LAMA2: variants seen among roughly 807,000 people sequenced by gnomAD.
LAMA2 encodes the protein laminin subunit alpha 2.
Under a neutral mutation model 364.8 loss-of-function variants are expected in LAMA2, and 269 were observed. The observed-to-expected ratio is 0.74, with a 90% CI of 0.67 to 0.82. The LOEUF is 0.82. Among genes scored for constraint, LAMA2 ranks in the 40% least tolerant of loss-of-function variants. The pLI, the probability that LAMA2 is intolerant of heterozygous loss-of-function variation, is 0.00. For synonymous variants in LAMA2, 1,379 were observed against 1,370.6 expected (o/e 1.01, Z -0.14); for missense variants, 3,807 against 3,873.2 (o/e 0.98, Z 0.45).
chr6:129,452,680 C>T (rs774732889), intron 45 of LAMA2, among the ~76,000 whole-genome samples: 3 of 152,138 alleles, frequency 2.0e-5, no homozygotes, highest in Non-Finnish European at 4.4e-5. Context: ...CTGCCTAAAA[C>T]GTTCCCATAT....
At chr6:129,190,810 G>A (rs1781478946) in intron 11 of LAMA2, among the ~76,000 whole-genome samples, 1 of 152,114 alleles carries the variant, frequency 6.6e-6, no homozygotes, top group African/African-American at 2.4e-5. Context: ...ATTAAAAGGG[G>A]ACATTAAATA....
At chr6:129,106,604 GCAA>G (rs1775837204) in intron 4 of LAMA2, among the ~76,000 whole-genome samples, 1 of 151,858 alleles carries the variant, frequency 6.6e-6, no homozygotes, top group Non-Finnish European at 1.5e-5. Flanking sequence ...AGTACCTGGA[GCAA>G]CAATATTAAA....
intron 12 of LAMA2, among the ~76,000 whole-genome samples, chr6:129,216,713 G>A (rs265361): frequency 0.67 from 101,273 of 152,004 alleles, 35,393 homozygotes; most frequent in Non-Finnish European, 0.77. Flanking sequence ...AATATGAAGT[G>A]CAATTTGTAA....
intron 58 of LAMA2, among the ~76,000 whole-genome samples, chr6:129,496,602 A>G (rs1433577225): frequency 6.6e-6 from 1 of 152,126 alleles, no homozygotes; most frequent in Non-Finnish European, 1.5e-5. Flanking sequence ...TTCTGTTTTA[A>G]TTTGTTTCCT....
chr6:129,328,958 A>G (rs780444967), intron 29 of LAMA2, among the ~76,000 whole-genome samples: 49 of 152,306 alleles, frequency 3.2e-4, no homozygotes, highest in Non-Finnish European at 6.3e-4. Context: ...TGGATGTCCC[A>G]TAATTTACCC....
At chr6:129,257,972 A>G (rs1194264214) in intron 14 of LAMA2, among the ~76,000 whole-genome samples, 2 of 152,010 alleles carry the variant, frequency 1.3e-5, no homozygotes, top group Non-Finnish European at 2.9e-5. Context: ...TTTATTATTT[A>G]AGTATTTAGT....
chr6:128,928,278 T>C (rs1401496765), intron 1 of LAMA2, among the ~76,000 whole-genome samples: 1 of 152,230 alleles, frequency 6.6e-6, no homozygotes, highest in Non-Finnish European at 1.5e-5. Context: ...GGATTTAGTT[T>C]AATTTATTCA....
rs796155380 is a variant in LAMA2, at chr6:128,895,505, G to A, written c.112+12148G>A. ...AAAAAAAAAAAAGCAAAAATTAGCC[G>A]GGCGTGGTGGCGGGCGCTTGTAGTG... On this transcript the variant is annotated intron_variant, in intron 1 of 64. Transcript: ENST00000421865. 2.3e-4 allele frequency among the ~76,000 whole-genome samples: 34 copies of A among 150,700 alleles called. 1 individual carries two copies. The highest frequency in any genetic ancestry group is 8.0e-4 in the African/African-American group (33 of 41,100).
chr6:129,038,539 T>A (rs976478191), intron 1 of LAMA2, among the ~76,000 whole-genome samples: 4 of 152,218 alleles, frequency 2.6e-5, no homozygotes, highest in African/African-American at 7.2e-5. Context: ...CCCTAGGTTT[T>A]GATACCTGTA....
At chr6:129,224,447 GT>G (rs780622171) in intron 12 of LAMA2, among the ~76,000 whole-genome samples, 15 of 152,088 alleles carry the variant, frequency 9.9e-5, no homozygotes, top group Admixed American at 5.2e-4. Context: ...AATGCTTCCA[GT>G]TTTTGCCCAT....
At chr6:129,460,110 T>G in intron 48 of LAMA2, 90 bp from the exon 49 acceptor site, 5 of 1,206,086 alleles carry the variant, frequency 4.1e-6, no homozygotes, top group Non-Finnish European at 6.2e-6. Context: ...AATGATAACT[T>G]TAGTTTCTGC....
At chr6:129,432,598 T>A (rs1781651484) in intron 41 of LAMA2, among the ~76,000 whole-genome samples, 1 of 152,160 alleles carries the variant, frequency 6.6e-6, no homozygotes, top group Admixed American at 6.5e-5. Context: ...TAAACAGAAA[T>A]GCCTTCAAGA....
At chr6:129,161,693 C>T (rs967726068) in intron 8 of LAMA2, among the ~76,000 whole-genome samples, 25 of 152,106 alleles carry the variant, frequency 1.6e-4, no homozygotes, top group Admixed American at 1.3e-4. Context: ...CTATTGTTGC[C>T]TTCTTTGTGT....
At chr6:129,205,106 A>G (rs1401291716) in intron 12 of LAMA2, among the ~76,000 whole-genome samples, 1 of 152,014 alleles carries the variant, frequency 6.6e-6, no homozygotes, top group East Asian at 1.9e-4. Context: ...ATCCAAAGTT[A>G]TAGCTGGGCA....
At chr6:129,255,976 C>T (rs1251554547) in intron 14 of LAMA2, among the ~76,000 whole-genome samples, 1 of 152,148 alleles carries the variant, frequency 6.6e-6, no homozygotes, top group Admixed American at 6.5e-5. Context: ...CAATGCTATT[C>T]CATAAGTGTT....
rs1426342269 is a variant in LAMA2, at chr6:129,252,004, T to A, written c.1885-80T>A. On this transcript the variant is annotated intron_variant, in intron 13 of 64. Transcript: ENST00000421865. ...TTAAAAGTCTATTGAGGGTGGAGGA[T>A]ACAAATATAGATATGTTTGACACTT... The A allele has an allele frequency of 1.3e-5, 11 of 859,136 alleles. No individual in the cohort carries two copies. The South Asian group carries it at 1.5e-4, about 12-fold the overall frequency. The allele number at this position is 859,136 out of a possible 1,614,324, so 53.2% of individuals were successfully genotyped here. A position where few individuals can be genotyped will look rare whatever the true frequency, so the allele number is the denominator to read the frequency against.
intron 12 of LAMA2, among the ~76,000 whole-genome samples, chr6:129,193,139 A>G (rs1205605896): frequency 1.3e-5 from 2 of 152,232 alleles, no homozygotes; most frequent in African/African-American, 4.8e-5. Flanking sequence ...AAAGCAAATT[A>G]TAGGTATTGG....
chr6:129,222,972 G>C (rs1783973747), intron 12 of LAMA2, among the ~76,000 whole-genome samples: 1 of 152,312 alleles, frequency 6.6e-6, no homozygotes, highest in African/African-American at 2.4e-5. Context: ...GTGTAAAAGT[G>C]TTCCTATTTC....
At chr6:129,191,990 T>G (rs894526898) in intron 11 of LAMA2, among the ~76,000 whole-genome samples, 10 of 152,182 alleles carry the variant, frequency 6.6e-5, no homozygotes, top group Non-Finnish European at 1.0e-4. Flanking sequence ...GATTCCTCCT[T>G]TAAGGTTCCT....
Sources: gnomAD v4.1 joint callset for allele counts (sites outside exome capture counted in the v4.1 genomes callset) on GRCh38, gnomAD v4.1.1 for gene constraint, MANE v1.5 for transcripts, NCBI Gene and HGNC (gene_info 2026-07-23, HGNC 2026-07-21) for gene names.